Variants in APOBEC4 observed in about 807,000 individuals in gnomAD.
The protein encoded by APOBEC4 is putative deaminase APOBEC-4.
For missense variants in APOBEC4, 375 were observed against 441.2 expected (o/e 0.85, Z 1.34); for synonymous variants, 141 against 154.2 (o/e 0.91, Z 0.63).
Position 183,648,306 on chromosome 1 carries a change from T to C in APOBEC4, c.476A>G (p.His159Arg). The C allele has an allele frequency of 2.5e-6, 4 of 1,614,168 alleles. No homozygotes were observed. The highest frequency in any genetic ancestry group is 1.1e-5 in the South Asian group (1 of 91,088). ...TGAGGCAGGAAAGTCCATCTCAGTA[T>C]GATAGAGCTGAGAAAAATAAATACT... ...TLSIYFSQLY[H>R]TEMDFPASAW... Residue 159 changes from histidine to arginine, a missense_variant, in exon 2 of 2, where the codon CAT becomes CGT. Transcript: ENST00000308641.
In APOBEC4 at chr1:183,647,767, C is replaced by T; in HGVS notation, c.1015G>A (p.Gly339Arg). 6.2e-7 allele frequency: 1 copy of T among 1,614,144 alleles called. No homozygotes were observed. The highest frequency in any genetic ancestry group is 1.7e-5 in the Admixed American group (1 of 60,016). ...ETKDLGRLPT[G>R]RSVEIVEITE... ...ATTTCCACTATCTCCACTGACCTTC[C>T]AGTGGGAAGCCTTCCAAGGTCCTTG... The change falls in exon 2 of 2, where the codon GGA (glycine) becomes AGA (arginine). Residue 339 changes from glycine to arginine, a missense_variant. By Grantham distance (125) the Gly-to-Arg change is moderately radical (BLOSUM62 -2). Coordinates refer to ENST00000308641, the MANE Select transcript of APOBEC4 (RefSeq NM_203454.3).
Position 183,646,656 on chromosome 1 carries a change from A to G in APOBEC4, c.*1022T>C, listed in dbSNP as rs185408298. ...CACTGGTGACGAGGATGGAGTCAGA[A>G]AGAGGGAAGTAAAACACACATTATG... On this transcript the variant is annotated 3_prime_UTR_variant, in exon 2 of 2. Transcript: ENST00000308641. The G allele has an allele frequency of 1.7e-4, 26 of 152,342 alleles. No homozygotes were observed. The East Asian group carries it at 4.2e-3, about 25-fold the overall frequency. The allele number at this position is 152,342 out of a possible 1,614,324, so 9.4% of individuals were successfully genotyped here.
rs754355346 is a variant in APOBEC4 at position 183,648,240 on chromosome 1, C to T, written c.542G>A (p.Trp181Ter). The change falls in exon 2 of 2, where the codon TGG becomes TAG. Residue 181 changes from tryptophan (W) to a stop codon, truncating the protein, a stop_gained. Transcript: ENST00000308641. LOFTEE classifies it low-confidence loss of function (END_TRUNC). Reference sequence around the variant, plus strand: ...TATTGGACTCAAAACAACCCGCGGCCATAAGCTGGCCAGGCTCCGGAGAGC... The same window carrying T: ...TATTGGACTCAAAACAACCCGCGGCTATAAGCTGGCCAGGCTCCGGAGAGC... ...REALRSLASLWPRVVLSPISG... is the reference protein window; with the variant it reads ...REALRSLASL 6.8e-6 allele frequency: 11 copies of T among 1,614,082 alleles called. No individual in the cohort carries two copies. In the Middle Eastern group the frequency reaches 4.9e-4, roughly 72 times the overall value.
intron 1 of APOBEC4, 25 bp from the exon 2 acceptor site, chr1:183,648,836 A>T: frequency 7.1e-7 from 1 of 1,415,836 alleles, no homozygotes; most frequent in Non-Finnish European, 9.5e-7. Context: ...GAAATTACAT[A>T]TAAAACCAGC....
rs765872935 is a variant in APOBEC4 at position 183,648,103 on chromosome 1, A to C, written c.679T>G (p.Tyr227Asp). 31 of 1,614,236 alleles carry C rather than the reference A, an allele frequency of 1.9e-5. No homozygotes were observed. The South Asian group carries it at 3.4e-4, about 18-fold the overall frequency. Reference sequence around the variant, plus strand: ...ACGCCTGTTATGGCATTGATTTCATATGCGTTGTGCCTGTCAGCCAGTGCT... The same window carrying C: ...ACGCCTGTTATGGCATTGATTTCATCTGCGTTGTGCCTGTCAGCCAGTGCT... ...GRALADRHNAYEINAITGVKP... is the reference protein window; with the variant it reads ...GRALADRHNADEINAITGVKP... Residue 227 changes from tyrosine (Y) to aspartate (D), a missense_variant, in exon 2 of 2, where the codon TAT becomes GAT. Coordinates refer to ENST00000308641, the MANE Select transcript of APOBEC4 (RefSeq NM_203454.3).
At position 183,647,865 on chromosome 1, in the gene APOBEC4, A is replaced by C; in HGVS notation, c.917T>G (p.Met306Arg). ...CCTGGGTTTATTTGGGTTTTGGCCCATATGCATTGGTGGTAAGTCCCTGAG... is the reference window on the plus strand; with the variant it reads ...CCTGGGTTTATTTGGGTTTTGGCCCCTATGCATTGGTGGTAAGTCCCTGAG... ...VPLRDLPPMH[M>R]GQNPNKPRNI... The change falls in exon 2 of 2, where the codon ATG becomes AGG. Residue 306 changes from methionine to arginine, a missense_variant. Physicochemically the swap from Met to Arg is moderately conservative, Grantham distance 91. Transcript: ENST00000308641. The C allele has an allele frequency of 1.2e-6, 2 of 1,614,126 alleles. No homozygotes were observed. Among genetic ancestry groups the C allele is most frequent in the Non-Finnish European group, 1.7e-6 (2 of 1,180,020 alleles).
In APOBEC4 at chr1:183,646,843, T is replaced by C. The variant is rs1650328147; in HGVS notation, c.*835A>G. 1 of 152,184 alleles carries C rather than the reference T, an allele frequency of 6.6e-6. No individual in the cohort carries two copies. The highest frequency in any genetic ancestry group is 1.5e-5 in the Non-Finnish European group (1 of 68,024). 9.4% of individuals were successfully genotyped at this position (152,184 alleles called of 1,614,324 possible). On this transcript the variant is annotated 3_prime_UTR_variant, in exon 2 of 2. Coordinates refer to ENST00000308641, the MANE Select transcript of APOBEC4 (RefSeq NM_203454.3). ...TCATTTCAGCCTTGCTACTCACATT[T>C]TGCTGGGTAATGTGCTAGATCCTAA...
chr1:183,648,795 G>A lies in APOBEC4; in HGVS notation c.-14C>T, dbSNP rs767739378. 1.9e-6 allele frequency: 3 copies of A among 1,557,160 alleles called. No homozygotes were observed. Among genetic ancestry groups the A allele is most frequent in the Admixed American group, 3.9e-5 (2 of 51,042 alleles). On this transcript the variant is annotated 5_prime_UTR_variant, in exon 2 of 2. Coordinates refer to ENST00000308641, the MANE Select transcript of APOBEC4 (RefSeq NM_203454.3). ...TATGGGCTCCATTGCTAGATTTACT[G>A]TCTTCTAGCTGCAAACCTAAACAAG...
rs1326233871 is a variant in APOBEC4 at position 183,647,191 on chromosome 1, T to A, written c.*487A>T. 6.5e-6 allele frequency: 1 copy of A among 152,902 alleles called. No individual in the cohort carries two copies. The highest frequency in any genetic ancestry group is 2.4e-5 in the African/African-American group (1 of 41,450). 9.5% of individuals were successfully genotyped at this position (152,902 alleles called of 1,614,324 possible). On this transcript the variant is annotated 3_prime_UTR_variant, in exon 2 of 2. Coordinates refer to ENST00000308641, the MANE Select transcript of APOBEC4 (RefSeq NM_203454.3). Reference sequence around the variant, plus strand: ...TATTTTGAATCACTTTAGAAAAAAATGAGCTGCCTAAAATCTTCTGTCCAT... The same window carrying A: ...TATTTTGAATCACTTTAGAAAAAAAAGAGCTGCCTAAAATCTTCTGTCCAT...
rs368111873 is a variant in APOBEC4, at chr1:183,648,649, G to A, written c.133C>T (p.Leu45Phe). 5.2e-5 allele frequency: 84 copies of A among 1,614,056 alleles called. No homozygotes were observed. Among genetic ancestry groups the A allele is most frequent in the Non-Finnish European group, 5.0e-5 (59 of 1,180,024 alleles). Residue 45 changes from leucine to phenylalanine, a missense_variant, in exon 2 of 2, where the codon CTC becomes TTC. Transcript: ENST00000308641. Reference sequence around the variant, plus strand: ...CCAAAAATCTGACAAAATTCTGTGAGGGAAACTCTTGCTTCTTCACCTGTT... The same window carrying A: ...CCAAAAATCTGACAAAATTCTGTGAAGGAAACTCTTGCTTCTTCACCTGTT... Reference protein sequence around the residue: ...IRTGEEARVSLTEFCQIFGFP... With the variant: ...IRTGEEARVSFTEFCQIFGFP...
Position 183,647,663 on chromosome 1 carries a change from G to A in APOBEC4, c.*15C>T. Reference sequence around the variant, plus strand: ...GTCCCTTGGTAATTGGTTTCATGCTGTAGGAATGTAGATTTTATTTCTTCC... The same window carrying A: ...GTCCCTTGGTAATTGGTTTCATGCTATAGGAATGTAGATTTTATTTCTTCC... On this transcript the variant is annotated 3_prime_UTR_variant, in exon 2 of 2. Transcript: ENST00000308641. 1 of 1,579,306 alleles carries A rather than the reference G, an allele frequency of 6.3e-7. No individual in the cohort carries two copies. The highest frequency in any genetic ancestry group is 1.2e-5 in the South Asian group (1 of 86,924).
chr1:183,649,483 T>C (rs1337929441), intron 1 of APOBEC4, among the ~76,000 whole-genome samples: 2 of 152,186 alleles, frequency 1.3e-5, no homozygotes, highest in Admixed American at 1.3e-4. Context: ...CTGGAAATAA[T>C]TTGGAGGTTT....
Position 183,648,069 on chromosome 1 carries a change from T to C in APOBEC4, c.713A>G (p.Tyr238Cys), listed in dbSNP as rs150867206. ...EINAITGVKP[Y>C]FTDVLLQTKR... ...TGTCTGGAGAAGAACATCAGTGAAG[T>C]AAGGTTTTACGCCTGTTATGGCATT... is the stretch of plus-strand genomic sequence containing the variant. The change falls in exon 2 of 2, where the codon TAC becomes TGC. Residue 238 changes from tyrosine (Y) to cysteine (C), a missense_variant. Physicochemically the swap from Tyr to Cys is radical, Grantham distance 194. Transcript: ENST00000308641. The C allele has an allele frequency of 1.9e-6, 3 of 1,614,222 alleles. No individual in the cohort carries two copies. The highest frequency in any genetic ancestry group is 2.5e-6 in the Non-Finnish European group (3 of 1,180,030).
Position 183,648,200 on chromosome 1 carries a change from C to A in APOBEC4, c.582G>T (p.Trp194Cys), listed in dbSNP as rs769729996. The A allele has an allele frequency of 2.8e-5, 46 of 1,614,152 alleles. 1 individual carries two copies. In the South Asian group the frequency reaches 4.9e-4, roughly 17 times the overall value. The change falls in exon 2 of 2, where the codon TGG becomes TGT. Residue 194 changes from tryptophan (W) to cysteine (C), a missense_variant. Trp to Cys is a radical substitution (Grantham distance 215). Transcript: ENST00000308641. ...VVLSPISGGI[W>C]HSVLHSFISG... ...TTATAAAGCTGTGGAGAACAGAATG[C>A]CAGATCCCACCACTTATTGGACTCA...
Position 183,647,970 on chromosome 1 carries a change from A to G in APOBEC4, c.812T>C (p.Phe271Ser), listed in dbSNP as rs1174658. The change falls in exon 2 of 2, where the codon TTT (phenylalanine) becomes TCT (serine). Residue 271 changes from phenylalanine to serine, a missense_variant. Phe to Ser is a radical substitution (Grantham distance 155). Transcript: ENST00000308641. ...GAGTTGTCCACTCGGCATTTGAAAA[A>G]ACTGTCCAGGAAAGGCATTGTTTAA... is the stretch of plus-strand genomic sequence containing the variant. The part of the protein sequence containing the change: ...YPLNNAFPGQ[F>S]FQMPSGQLQP... 0.39 allele frequency: 632,588 copies of G among 1,613,898 alleles called. 126,235 individuals carry two copies. Among genetic ancestry groups the G allele is most frequent in the African/African-American group, 0.48 (35,615 of 74,940 alleles).
At chr1:183,649,879 A>G (rs1047295387) in intron 1 of APOBEC4, among the ~76,000 whole-genome samples, 3 of 152,164 alleles carry the variant, frequency 2.0e-5, no homozygotes, top group African/African-American at 7.2e-5. Flanking sequence ...TGAGATGATC[A>G]TGGCTCACTG....
chr1:183,650,268 GC>G (rs1161939108), intron 1 of APOBEC4, among the ~76,000 whole-genome samples: 2 of 143,606 alleles, frequency 1.4e-5, no homozygotes, highest in African/African-American at 5.6e-5. Flanking sequence ...ATTCGGCCAG[GC>G]GTGGTGGCTC....
At position 183,647,671 on chromosome 1, in the gene APOBEC4, G is replaced by A; in HGVS notation, c.*7C>T. The A allele has an allele frequency of 6.3e-7, 1 of 1,588,382 alleles. No individual in the cohort carries two copies. Among genetic ancestry groups the A allele is most frequent in the Non-Finnish European group, 8.6e-7 (1 of 1,165,064 alleles). ...GTAATTGGTTTCATGCTGTAGGAAT[G>A]TAGATTTTATTTCTTCCCTTTCTTC... On this transcript the variant is annotated 3_prime_UTR_variant, in exon 2 of 2. Transcript: ENST00000308641.
At chr1:183,651,292 G>A (rs1650732919) in intron 1 of APOBEC4, among the ~76,000 whole-genome samples, 1 of 152,004 alleles carries the variant, frequency 6.6e-6, no homozygotes, top group Non-Finnish European at 1.5e-5. Context: ...ATTTAAATGA[G>A]GTAAACTGAC....
Sources: gnomAD v4.1 joint callset for allele counts (sites outside exome capture counted in the v4.1 genomes callset) on GRCh38, gnomAD v4.1.1 for gene constraint, MANE v1.5 for transcripts, NCBI Gene and HGNC (gene_info 2026-07-23, HGNC 2026-07-21) for gene names.